MBD1: variants seen among roughly 807,000 people sequenced by gnomAD.
The protein encoded by MBD1 is methyl-CpG-binding domain protein 1.
MBD1 carries 25 observed loss-of-function variants against 82.6 expected under a neutral mutation model. That is an observed-to-expected ratio of 0.30 (90% CI 0.22 to 0.42). MBD1 has a LOEUF of 0.42. Among genes scored for constraint, MBD1 ranks in the 10% least tolerant of loss-of-function variants. The pLI, the probability that MBD1 is intolerant of heterozygous loss-of-function variation, is 1.00. For synonymous variants in MBD1, 301 were observed against 303.7 expected (o/e 0.99, Z 0.09); for missense variants, 627 against 819.6 (o/e 0.76, Z 2.87).
At chr18:50,272,430 G>A (rs1239373598) in intron 15 of MBD1, 4 of 555,232 alleles carry the variant, frequency 7.2e-6, no homozygotes, top group Non-Finnish European at 1.3e-5. Context: ...CAAATCTCAT[G>A]ATAGAGTACC....
At chr18:50,279,194 C>T (rs1189285306) in intron 2 of MBD1, among the ~76,000 whole-genome samples, 1 of 152,236 alleles carries the variant, frequency 6.6e-6, no homozygotes, top group East Asian at 1.9e-4. Flanking sequence ...CTTTCCTCAA[C>T]AATGCTGTCA....
At chr18:50,274,427 G>A in intron 10 of MBD1, 74 bp from the exon 11 acceptor site, 2 of 1,499,728 alleles carry the variant, frequency 1.3e-6, no homozygotes, top group African/African-American at 1.4e-5. Context: ...TTCCAGTGCT[G>A]GTCCTGGTGC....
chr18:50,280,319 C>G (rs2039708096), intron 1 of MBD1, among the ~76,000 whole-genome samples: 1 of 152,008 alleles, frequency 6.6e-6, no homozygotes, highest in African/African-American at 2.4e-5. Context: ...CACTGCCAAT[C>G]CAGAAACTTT....
chr18:50,281,597 C>G (rs2040282311), upstream of MBD1: 1 of 498,050 alleles, frequency 2.0e-6, no homozygotes, highest in South Asian at 3.4e-5. Flanking sequence ...GCCTCGATGT[C>G]GCGTGCCCTT....
intron 13 of MBD1, 35 bp from the exon 14 acceptor site, chr18:50,272,990 G>A (rs749061679): frequency 5.6e-6 from 9 of 1,613,524 alleles, no homozygotes; most frequent in South Asian, 1.1e-5. Context: ...CCATTAGAAG[G>A]GCAGAGTTCA....
rs2038126008 is a variant in MBD1 at position 50,276,853 on chromosome 18, G to A, written c.371C>T (p.Pro124Leu). The change falls in exon 4 of 17, where the codon CCA becomes CTA. Residue 124 changes from proline to leucine, a missense_variant. Coordinates refer to ENST00000269468, the MANE Select transcript of MBD1 (RefSeq NM_015846.4). ...DETKADTDTA[P>L]ASFPAPGCCE... Reference sequence around the variant, plus strand: ...TCACCCAGGAGCAGGGAATGAAGCTGGGGCTGTGTCAGTGTCAGCCTTGGT... The same window carrying A: ...TCACCCAGGAGCAGGGAATGAAGCTAGGGCTGTGTCAGTGTCAGCCTTGGT... 1.2e-6 allele frequency: 2 copies of A among 1,614,116 alleles called. No individual in the cohort carries two copies. The highest frequency in any genetic ancestry group is 1.7e-6 in the Non-Finnish European group (2 of 1,180,048).
In MBD1 at chr18:50,273,715, G is replaced by A; in HGVS notation, c.1295C>T (p.Pro432Leu). 2 of 1,614,194 alleles carry A rather than the reference G, an allele frequency of 1.2e-6. No homozygotes were observed. Among genetic ancestry groups the A allele is most frequent in the Non-Finnish European group, 1.7e-6 (2 of 1,180,046 alleles). The change falls in exon 12 of 17, where the codon CCA (proline) becomes CTA (leucine). Residue 432 changes from proline (P) to leucine (L), a missense_variant. Pro to Leu is a moderately conservative substitution (Grantham distance 98). This residue lies in a region of MBD1 where 265 missense variants were observed against 278.4 expected (regional missense o/e 0.95). Transcript: ENST00000269468. ...KPTLATRTAQ[P>L]DHTQAPTKQE... ...CTTCGTTGGAGCCTGGGTATGGTCT[G>A]GTTGGGCTGTGCGTGTAGCCAAGGT...
At position 50,272,404 on chromosome 18, in the gene MBD1, C is replaced by T. The variant is rs111703371; in HGVS notation, c.1778+273G>A. The T allele has an allele frequency of 4.6e-3, 2,337 of 505,748 alleles. 34 individuals carry two copies. Among genetic ancestry groups the T allele is most frequent in the African/African-American group, 0.04 (2,056 of 51,820 alleles). The allele number at this position is 505,748 out of a possible 1,614,324, so 31.3% of individuals were successfully genotyped here. On this transcript the variant is annotated intron_variant, in intron 15 of 16. Coordinates refer to ENST00000269468, the MANE Select transcript of MBD1 (RefSeq NM_015846.4). ...TCCTTAGGAAAATAGGGACCAGACT[C>T]CCTATCTTTTTCTTTCAAATCTCAT...
intron 2 of MBD1, among the ~76,000 whole-genome samples, chr18:50,279,544 G>A (rs1478051028): frequency 2.0e-5 from 3 of 152,272 alleles, no homozygotes; most frequent in Non-Finnish European, 4.4e-5. Flanking sequence ...ACAAAAATTA[G>A]AAAAATGTGA....
At chr18:50,281,225 G>T in intron 1 of MBD1, 138 bp downstream of exon 1, 1 of 1,533,766 alleles carries the variant, frequency 6.5e-7, no homozygotes, top group Non-Finnish European at 8.7e-7. Context: ...ATTTCTCCTC[G>T]TCAGTATTCC....
At chr18:50,273,542 C>T (rs749444047) in intron 12 of MBD1, 22 bp downstream of exon 12, 2 of 1,613,188 alleles carry the variant, frequency 1.2e-6, no homozygotes, top group Non-Finnish European at 1.7e-6. Flanking sequence ...GCTGGGAAGG[C>T]AGGACAGGGT....
rs1157483335 is a variant in MBD1 at position 50,273,868 on chromosome 18, G to A, written c.1147-5C>T. 1 of 1,611,768 alleles carries A rather than the reference G, an allele frequency of 6.2e-7. No homozygotes were observed. Among genetic ancestry groups the A allele is most frequent in the African/African-American group, 1.3e-5 (1 of 75,044 alleles). ...GACACTGGGCAGCAGCCGCTTCTAT[G>A]GGGAAAGATAGGGTGCTATGGCTAC... On this transcript the variant is annotated splice_region_variant and splice_polypyrimidine_tract_variant and intron_variant, in intron 11 of 16. Coordinates refer to ENST00000269468, the MANE Select transcript of MBD1 (RefSeq NM_015846.4).
intron 15 of MBD1, among the ~76,000 whole-genome samples, chr18:50,272,269 T>G (rs983582494): frequency 6.6e-6 from 1 of 152,182 alleles, no homozygotes; most frequent in Non-Finnish European, 1.5e-5. Context: ...TTGCTCAATG[T>G]CAGGCAACAG....
At position 50,268,899 on chromosome 18, in the gene MBD1, TAG is replaced by T; in HGVS notation, c.*950_*951del. On this transcript the variant is annotated 3_prime_UTR_variant, in exon 17 of 17. Transcript: ENST00000269468. The stretch of plus-strand genomic sequence containing the variant: ...ATTTTAAAATAGAACAGCTTAGAGA[TAG>T]AAACTAAATTATTTCCAATTCCTAC... 1 of 983,998 alleles carries T rather than the reference TAG, an allele frequency of 1.0e-6. No homozygotes were observed. 61.0% of individuals were successfully genotyped at this position (983,998 alleles called of 1,614,324 possible).
intron 16 of MBD1, chr18:50,270,123 G>C (rs1463463148): frequency 6.3e-7 from 1 of 1,598,226 alleles, no homozygotes. Flanking sequence ...ATCCAGTCTT[G>C]ACTAGGGCTG....
At chr18:50,279,189 C>T (rs1255532097) in intron 2 of MBD1, among the ~76,000 whole-genome samples, 1 of 152,238 alleles carries the variant, frequency 6.6e-6, no homozygotes, top group Non-Finnish European at 1.5e-5. Flanking sequence ...TTTGGCTTTC[C>T]TCAACAATGC....
chr18:50,275,787 G>A (rs1412543251), intron 7 of MBD1, 48 bp downstream of exon 7: 2 of 1,613,962 alleles, frequency 1.2e-6, no homozygotes, highest in Non-Finnish European at 8.5e-7. Context: ...GCCCATGGGG[G>A]CCAGGGGCCG....
At position 50,269,414 on chromosome 18, in the gene MBD1, C is replaced by A; in HGVS notation, c.*437G>T. The A allele has an allele frequency of 1.0e-6, 1 of 990,296 alleles. No individual in the cohort carries two copies. The highest frequency in any genetic ancestry group is 1.4e-6 in the Non-Finnish European group (1 of 691,862). The allele number at this position is 990,296 out of a possible 1,614,324, so 61.3% of individuals were successfully genotyped here. A position where few individuals can be genotyped will look rare whatever the true frequency, so the allele number is the denominator to read the frequency against. On this transcript the variant is annotated 3_prime_UTR_variant, in exon 17 of 17. Transcript: ENST00000269468. ...CCACAAGAGACATTTTGCTTGATAA[C>A]CGGAGGGCGGAAGTGAAGCAGCAGC... is the stretch of plus-strand genomic sequence containing the variant.
At chr18:50,275,546 G>C in intron 8 of MBD1, 54 bp downstream of exon 8, 1 of 1,613,692 alleles carries the variant, frequency 6.2e-7, no homozygotes, top group Non-Finnish European at 8.5e-7. Context: ...AGGAAGCAGA[G>C]GCAGCGACGA....
Sources: allele counts gnomAD v4.1 joint callset (sites outside exome capture counted in the v4.1 genomes callset), GRCh38; gene constraint gnomAD v4.1.1; regional missense constraint gnomAD v4.1.1; transcripts MANE v1.5; gene names NCBI Gene and HGNC (gene_info 2026-07-23, HGNC 2026-07-21).